FAM217B: variants seen among roughly 807,000 people sequenced by gnomAD.
FAM217B encodes family with sequence similarity 217 member B, also known as protein FAM217B.
For synonymous variants in FAM217B, 163 were observed against 173.0 expected, an observed-to-expected ratio of 0.94 and a Z score of 0.45; for missense variants, 463 against 456.9, an observed-to-expected ratio of 1.01 and a Z score of -0.12.
chr20:59,939,926 G>T, upstream of FAM217B: 1 of 1,261,998 alleles, frequency 7.9e-7, no homozygotes. Context: ...TCGGGCCTCT[G>T]GACATGGCCC....
At chr20:59,933,832 G>C (rs2145937357) in exon 1 of FAM217B, 1 of 151,764 alleles carries the variant, frequency 6.6e-6, no homozygotes, top group South Asian at 2.1e-4. Flanking sequence ...CGCTGTGGGC[G>C]CGGCTCAGGC....
chr20:59,946,129 CG>C lies in FAM217B; in HGVS notation c.*1037del, dbSNP rs1485237958. 6.0e-6 allele frequency: 1 copy of C among 166,854 alleles called. No individual in the cohort carries two copies. The highest frequency in any genetic ancestry group is 1.5e-5 in the Non-Finnish European group (1 of 68,082). The allele number at this position is 166,854 out of a possible 1,614,324, so 10.3% of individuals were successfully genotyped here. A position where few individuals can be genotyped will look rare whatever the true frequency, so the allele number is the denominator to read the frequency against. On this transcript the variant is annotated 3_prime_UTR_variant, in exon 4 of 4. Transcript: ENST00000360816. ...TTATTATTTTGCTTGGGGTGAGGGGCGGGAGAGTGGAATATGAGTAAGGTTG... is the reference window on the plus strand; with the variant it reads ...TTATTATTTTGCTTGGGGTGAGGGGCGGAGAGTGGAATATGAGTAAGGTTG...
upstream of FAM217B, chr20:59,939,948 G>A (rs919403233): frequency 4.0e-6 from 5 of 1,264,802 alleles, no homozygotes; most frequent in Non-Finnish European, 5.0e-6. Context: ...GCCGGCCGTC[G>A]GAAGATGAGG....
chr20:59,944,544 GC>G lies in FAM217B; in HGVS notation c.602del (p.Ala201GlufsTer18), dbSNP rs752483737. Reference sequence around the variant, plus strand: ...AGTCCAGACTGTACAGTGTGAAAAAGCAAAGGGGGGCAAAGCAAGGCCCCCC... The same window carrying G: ...AGTCCAGACTGTACAGTGTGAAAAAGAAAGGGGGGCAAAGCAAGGCCCCCC... The part of the protein sequence containing the change: ...LQVQTVQCEK[A>X]KGGKARPPTA... On this transcript the variant is annotated frameshift_variant, in exon 4 of 4. Coordinates refer to ENST00000360816, the MANE Select transcript of FAM217B (RefSeq NM_022106.3). LOFTEE classifies it low-confidence loss of function (END_TRUNC). 45 of 1,613,880 alleles carry G rather than the reference GC, an allele frequency of 2.8e-5. No individual in the cohort carries two copies. Among genetic ancestry groups the G allele is most frequent in the Non-Finnish European group, 3.4e-6 (4 of 1,180,018 alleles).
In FAM217B at chr20:59,944,860, G is replaced by C. The variant is rs1320313483; in HGVS notation, c.917G>C (p.Trp306Ser). 2 of 1,614,184 alleles carry C rather than the reference G, an allele frequency of 1.2e-6. No homozygotes were observed. Among genetic ancestry groups the C allele is most frequent in the South Asian group, 2.2e-5 (2 of 91,084 alleles). ...KSSKSTKLQR[W>S]DLSGSGSSSK... ...AGTAAGAGTACGAAGCTGCAGCGCT[G>C]GGATCTGTCCGGCAGTGGAAGCAGC... Residue 306 changes from tryptophan (W) to serine (S), a missense_variant, in exon 4 of 4, where the codon TGG becomes TCG. Coordinates refer to ENST00000360816, the MANE Select transcript of FAM217B (RefSeq NM_022106.3).
chr20:59,935,639 GC>G (rs2060858040), upstream of FAM217B, among the ~76,000 whole-genome samples: 1 of 152,200 alleles, frequency 6.6e-6, no homozygotes, highest in Non-Finnish European at 1.5e-5. Flanking sequence ...GGTGGCATGT[GC>G]CTGTGCACCT....
In FAM217B at chr20:59,944,823, A is replaced by G. The variant is rs1214966863; in HGVS notation, c.880A>G (p.Lys294Glu). ...CCTTGAAATGAGGACAGAAGAAAAG[A>G]AAAAGAAATCAAGTAAGAGTACGAA... is the stretch of plus-strand genomic sequence containing the variant. ...QTLEMRTEEK[K>E]KKSSKSTKLQ... The change falls in exon 4 of 4, where the codon AAA becomes GAA. Residue 294 changes from lysine (K) to glutamate (E), a missense_variant. Lys to Glu is a moderately conservative substitution (Grantham distance 56). Transcript: ENST00000360816. 2 of 1,614,220 alleles carry G rather than the reference A, an allele frequency of 1.2e-6. No individual in the cohort carries two copies. The highest frequency in any genetic ancestry group is 1.3e-5 in the African/African-American group (1 of 75,068).
At chr20:59,939,051 C>G, upstream of FAM217B, 1 of 1,542,658 alleles carries the variant, frequency 6.5e-7, no homozygotes, top group Non-Finnish European at 8.7e-7. Flanking sequence ...GTGGATCCAG[C>G]TCTCTTCGCA....
chr20:59,938,388 T>TG (rs772399329), upstream of FAM217B: 1 of 152,246 alleles, frequency 6.6e-6, no homozygotes, highest in Non-Finnish European at 1.5e-5. Flanking sequence ...GGAATGGTTG[T>TG]GTGATGACTG....
chr20:59,939,221 G>C, upstream of FAM217B: 1 of 1,610,990 alleles, frequency 6.2e-7, no homozygotes, highest in Middle Eastern at 1.7e-4. Flanking sequence ...GAAAGCCGAA[G>C]GTGAAAACGT....
At chr20:59,942,639 C>G (rs1457382751) in intron 3 of FAM217B, 127 bp downstream of exon 3, 1 of 152,032 alleles carries the variant, frequency 6.6e-6, no homozygotes, top group Non-Finnish European at 1.5e-5. Flanking sequence ...TAATTTTTTT[C>G]TAGCAGAAAT....
chr20:59,936,077 A>G (rs1417290130), upstream of FAM217B, among the ~76,000 whole-genome samples: 2 of 152,218 alleles, frequency 1.3e-5, no homozygotes, highest in Non-Finnish European at 2.9e-5. Flanking sequence ...CACCTCAGGT[A>G]TATATAGTAC....
upstream of FAM217B, chr20:59,939,264 C>T (rs2145946382): frequency 6.2e-7 from 1 of 1,611,742 alleles, no homozygotes; most frequent in Non-Finnish European, 8.5e-7. Flanking sequence ...GGGCCCGCGC[C>T]ACCGCGCCAC....
At chr20:59,940,785 C>T (rs2060899651) in intron 1 of FAM217B, among the ~76,000 whole-genome samples, 1 of 152,188 alleles carries the variant, frequency 6.6e-6, no homozygotes, top group Non-Finnish European at 1.5e-5. Context: ...CCGAGGGAGC[C>T]TCACTGCGTA....
upstream of FAM217B, among the ~76,000 whole-genome samples, chr20:59,936,434 T>C (rs1347346469): frequency 6.6e-6 from 1 of 152,244 alleles, no homozygotes; most frequent in Non-Finnish European, 1.5e-5. Flanking sequence ...GTAAGTTTTC[T>C]TCCCCCATGT....
upstream of FAM217B, among the ~76,000 whole-genome samples, chr20:59,935,662 G>A (rs767574035): frequency 3.9e-5 from 6 of 152,144 alleles, no homozygotes; most frequent in Non-Finnish European, 8.8e-5. Flanking sequence ...GCTGCTCTAC[G>A]CCGGAGGCTG....
In FAM217B at chr20:59,934,905, G is replaced by C. The variant is rs142169631; in HGVS notation, c.-326+1052G>C. ...CTCTCAGAGGTGTTTTAAATATTCT[G>C]CTTAGCTAGAATTACCAACTTCTTG... On this transcript the variant is annotated intron_variant, in intron 1 of 4. Transcript: ENST00000358293. 4.7e-3 allele frequency among the ~76,000 whole-genome samples: 717 copies of C among 152,242 alleles called. 5 individuals carry two copies. The highest frequency in any genetic ancestry group is 0.013 in the South Asian group (64 of 4,814).
chr20:59,939,920 G>A, upstream of FAM217B: 1 of 1,259,716 alleles, frequency 7.9e-7, no homozygotes, highest in Non-Finnish European at 1.0e-6. Context: ...CGGAGCTCGG[G>A]CCTCTGGACA....
At chr20:59,939,541 C>T (rs368975840), upstream of FAM217B, 9 of 1,611,758 alleles carry the variant, frequency 5.6e-6, no homozygotes, top group African/African-American at 1.1e-4. Flanking sequence ...CGCGACAGCA[C>T]GTGCAGCGGC....
Sources: allele counts gnomAD v4.1 joint callset (sites outside exome capture counted in the v4.1 genomes callset), GRCh38; gene constraint gnomAD v4.1.1; transcripts MANE v1.5; gene names NCBI Gene and HGNC (gene_info 2026-07-23, HGNC 2026-07-21).